The following ARID1B variants were observed in gnomAD, a reference collection of about 807,000 sequenced individuals.
The protein encoded by ARID1B is AT-rich interactive domain-containing protein 1B.
In ARID1B, 30 loss-of-function variants were observed where a neutral mutation model predicts 212.3. The observed-to-expected ratio is 0.14, with a 90% CI of 0.11 to 0.19. ARID1B has a LOEUF of 0.19. Ranked by LOEUF, ARID1B falls within the 10% of genes least tolerant of loss-of-function variation. The probability of loss-of-function intolerance (pLI) is 1.00; values close to 1 mark genes in which losing one functional copy is unlikely to be tolerated. For missense variants in ARID1B, 2,891 were observed against 3,204.0 expected, an observed-to-expected ratio of 0.90 and a Z score of 2.36; for synonymous variants, 1,402 against 1,301.7, an observed-to-expected ratio of 1.08 and a Z score of -1.66.
chr6:157,208,763 TGTG>T lies in ARID1B; in HGVS notation c.*875_*877del, dbSNP rs976284586. The T allele has an allele frequency of 2.2e-5, 5 of 225,762 alleles. No individual in the cohort carries two copies. Among genetic ancestry groups the T allele is most frequent in the African/African-American group, 6.8e-5 (3 of 44,426 alleles). 14.0% of individuals were successfully genotyped at this position (225,762 alleles called of 1,614,324 possible). A position where few individuals can be genotyped will look rare whatever the true frequency, so the allele number is the denominator to read the frequency against. ...CAAAGTTTTAGTTTCTTTTTCATGA[TGTG>T]GTAACTACGAAGTGATGGTAGATTT... On this transcript the variant is annotated 3_prime_UTR_variant, in exon 20 of 20. Transcript: ENST00000636930.
chr6:156,976,941 A>G, intron 4 of ARID1B: 4 of 550,334 alleles, frequency 7.3e-6, no homozygotes, highest in South Asian at 4.1e-5. Flanking sequence ...AGATCTAGAA[A>G]AATGGCAGAA....
intron 4 of ARID1B, among the ~76,000 whole-genome samples, chr6:157,004,899 T>TTTTTGTTG (rs1461642468): frequency 4.6e-5 from 2 of 43,324 alleles, no homozygotes; most frequent in Non-Finnish European, 8.1e-5. Context: ...TCTTTTTTCT[T>TTTTTGTTG]TTTTTTTTTT....
intron 12 of ARID1B, among the ~76,000 whole-genome samples, chr6:157,183,978 G>A (rs536828288): frequency 1.3e-5 from 2 of 152,308 alleles, no homozygotes; most frequent in Admixed American, 1.3e-4. Flanking sequence ...GCAGTGGGAT[G>A]AGCGTGAGGC....
intron 2 of ARID1B, among the ~76,000 whole-genome samples, chr6:156,877,683 G>A (rs1786671710): frequency 6.6e-6 from 1 of 151,746 alleles, no homozygotes; most frequent in African/African-American, 2.4e-5. Context: ...CCACCTGTAG[G>A]CCTTCTTGCA....
chr6:156,981,223 T>G (rs931577345), intron 4 of ARID1B, among the ~76,000 whole-genome samples: 5 of 152,186 alleles, frequency 3.3e-5, no homozygotes, highest in Admixed American at 1.3e-4. Context: ...GATGGATGAT[T>G]GATGTCTTTC....
intron 4 of ARID1B, chr6:156,942,743 A>ATCC (rs1256771753): frequency 6.6e-6 from 1 of 152,392 alleles, no homozygotes; most frequent in African/African-American, 2.4e-5. Context: ...TCACCCACCC[A>ATCC]TCCTCCTCCT....
chr6:156,786,657 T>C (rs1297622643), intron 1 of ARID1B, among the ~76,000 whole-genome samples: 1 of 152,218 alleles, frequency 6.6e-6, no homozygotes, highest in Non-Finnish European at 1.5e-5. Flanking sequence ...TGTAAACATT[T>C]AGCATTTGTG....
At chr6:157,035,126 A>C (rs1781245236) in intron 4 of ARID1B, among the ~76,000 whole-genome samples, 1 of 152,198 alleles carries the variant, frequency 6.6e-6, no homozygotes, top group African/African-American at 2.4e-5. Flanking sequence ...AATATATTAA[A>C]GCCTTATCTT....
At chr6:156,821,399 C>T (rs943111026) in intron 1 of ARID1B, among the ~76,000 whole-genome samples, 10 of 152,148 alleles carry the variant, frequency 6.6e-5, no homozygotes, top group East Asian at 5.8e-4. Context: ...GTATATGTCA[C>T]GCAGAAAAGA....
chr6:156,942,057 T>C (rs981264958), intron 4 of ARID1B: 1 of 152,354 alleles, frequency 6.6e-6, no homozygotes, highest in African/African-American at 2.4e-5. Flanking sequence ...TATAGTATTC[T>C]GAAGATTTCC....
intron 6 of ARID1B, among the ~76,000 whole-genome samples, chr6:157,126,884 G>A (rs780745117): frequency 6.6e-6 from 1 of 152,098 alleles, no homozygotes; most frequent in Non-Finnish European, 1.5e-5. Flanking sequence ...TTTTAAAGAC[G>A]CAGCTGCGTT....
At chr6:156,998,212 C>CTT (rs569837054) in intron 4 of ARID1B, among the ~76,000 whole-genome samples, 126 of 137,648 alleles carry the variant, frequency 9.2e-4, no homozygotes, top group East Asian at 1.9e-3. Flanking sequence ...ATCTCTCTCT[C>CTT]TTTTTTTTTT....
intron 4 of ARID1B, among the ~76,000 whole-genome samples, chr6:156,993,473 T>C (rs17270127): frequency 6.6e-6 from 1 of 152,354 alleles, no homozygotes; most frequent in African/African-American, 2.4e-5. Context: ...AGTTATTTCC[T>C]ATTTTGCAAG....
chr6:157,039,318 A>ATTTTTTTTTTTTTTTTTTTTTT (rs1215591720), intron 4 of ARID1B, among the ~76,000 whole-genome samples: 11 of 112,826 alleles, frequency 9.7e-5, no homozygotes, highest in African/African-American at 2.2e-4. Flanking sequence ...GAAATTTGAC[A>ATTTTTTTTTTTTTTTTTTTTTT]TTTCTTTTTT....
intron 3 of ARID1B, among the ~76,000 whole-genome samples, chr6:156,925,954 T>A (rs965823863): frequency 1.3e-5 from 2 of 152,194 alleles, no homozygotes; most frequent in African/African-American, 4.8e-5. Flanking sequence ...CCACCCAGTA[T>A]GGCTGGTGGA....
chr6:156,919,989 G>C (rs1301336766), intron 3 of ARID1B, among the ~76,000 whole-genome samples: 4 of 152,208 alleles, frequency 2.6e-5, no homozygotes, highest in African/African-American at 9.7e-5. Context: ...CCTCTCTCCC[G>C]CCAGAGGAGG....
chr6:156,810,725 G>C (rs1781497663), intron 1 of ARID1B, among the ~76,000 whole-genome samples: 1 of 152,308 alleles, frequency 6.6e-6, no homozygotes, highest in South Asian at 2.1e-4. Context: ...CTGGAATCGT[G>C]TGTCTTCAGG....
At chr6:157,096,947 C>T (rs796227363) in intron 5 of ARID1B, among the ~76,000 whole-genome samples, 29 of 152,324 alleles carry the variant, frequency 1.9e-4, no homozygotes, top group African/African-American at 6.5e-4. Flanking sequence ...TGCTGGTTTC[C>T]TTCAAATATA....
Position 157,042,368 on chromosome 6 carries a change from A to G in ARID1B, c.2248-42294A>G, listed in dbSNP as rs150346029. ...TGTATTACCAGTGTATTCATTTGCT[A>G]TACCTGTCTTCCGGGCTAAATGGAC... is the stretch of plus-strand genomic sequence containing the variant. On this transcript the variant is annotated intron_variant, in intron 4 of 19. Transcript: ENST00000636930. Among the ~76,000 whole-genome samples the G allele has an allele frequency of 7.8e-3, 1,192 of 152,308 alleles. 20 individuals carry two copies. Among genetic ancestry groups the G allele is most frequent in the African/African-American group, 0.027 (1,117 of 41,566 alleles).
Sources: allele counts gnomAD v4.1 joint callset (sites outside exome capture counted in the v4.1 genomes callset), GRCh38; gene constraint gnomAD v4.1.1; transcripts MANE v1.5; gene names NCBI Gene and HGNC (gene_info 2026-07-23, HGNC 2026-07-21).